Variants in KLHL4 observed in about 807,000 individuals in gnomAD.
KLHL4 encodes kelch like family member 4, also known as kelch-like protein 4.
In KLHL4, 17 loss-of-function variants were observed where a neutral mutation model predicts 45.8. The observed-to-expected ratio is 0.37, with a 90% CI of 0.25 to 0.56. The LOEUF (loss-of-function observed/expected upper bound fraction) is 0.56, where lower values mean the gene tolerates loss of function less well. KLHL4 is among the 20% of genes least tolerant of loss of function. KLHL4 has a pLI of 0.79. For missense variants in KLHL4, 544 were observed against 544.9 expected (o/e 1.00, Z 0.02); for synonymous variants, 224 against 189.9 (o/e 1.18, Z -1.47).
intron 9 of KLHL4, among the ~76,000 whole-genome samples, chrX:87,643,878 A>G (rs994292791): frequency 8.9e-6 from 1 of 111,895 alleles, no homozygotes; most frequent in Admixed American, 9.5e-5. Flanking sequence ...TCTCAGCAGA[A>G]TCAGCATACA....
chrX:87,622,160 T>G, intron 4 of KLHL4, 51 bp from the exon 5 acceptor site: 1 of 822,780 alleles, frequency 1.2e-6, no homozygotes, highest in Non-Finnish European at 1.8e-6. Context: ...GCTTATTCCA[T>G]TAAGAAATTT....
chrX:87,612,004 T>A (rs554837622), intron 1 of KLHL4, among the ~76,000 whole-genome samples: 2 of 112,231 alleles, frequency 1.8e-5, no homozygotes, highest in African/African-American at 6.5e-5. Flanking sequence ...GAAAATGTTT[T>A]TTACATCTGT....
At chrX:87,623,573 T>C (rs1922829637) in intron 5 of KLHL4, among the ~76,000 whole-genome samples, 1 of 111,014 alleles carries the variant, frequency 9.0e-6, no homozygotes, top group African/African-American at 3.3e-5. Context: ...ATTACAGGTG[T>C]GAGCCACTGT....
At chrX:87,635,076 A>T (rs1436921697) in intron 8 of KLHL4, among the ~76,000 whole-genome samples, 1 of 112,028 alleles carries the variant, frequency 8.9e-6, no homozygotes, top group African/African-American at 3.2e-5. Flanking sequence ...TCTAGGTTCT[A>T]TCCTCTTTCC....
chrX:87,580,551 A>C (rs766616989), intron 1 of KLHL4, among the ~76,000 whole-genome samples: 1 of 110,660 alleles, frequency 9.0e-6, no homozygotes, highest in South Asian at 3.7e-4. Flanking sequence ...TAAGAACAAC[A>C]AAAAAAATAG....
chrX:87,593,781 T>C (rs750764865), intron 1 of KLHL4, among the ~76,000 whole-genome samples: 2 of 111,635 alleles, frequency 1.8e-5, no homozygotes, highest in East Asian at 5.6e-4. Context: ...CCAAAATTAA[T>C]GTTCACATTG....
At position 87,594,625 on chromosome X, in the gene KLHL4, G is replaced by A. The variant is rs902621280; in HGVS notation, c.423-19252G>A. ...TATGGGTTTTCACACATTGATCTGC[G>A]TGATCTCCAATCTCCATCCCCCATC... On this transcript the variant is annotated intron_variant, in intron 1 of 10. Transcript: ENST00000373119. 2.2e-4 allele frequency among the ~76,000 whole-genome samples: 24 copies of A among 111,153 alleles called. 1 individual carries two copies. Among genetic ancestry groups the A allele is most frequent in the African/African-American group, 7.2e-4 (22 of 30,528 alleles).
intron 1 of KLHL4, among the ~76,000 whole-genome samples, chrX:87,593,844 G>A (rs971917917): frequency 9.0e-6 from 1 of 111,270 alleles, no homozygotes; most frequent in Non-Finnish European, 1.9e-5. Context: ...GATCTTCACA[G>A]CCATCACCTT....
rs189831640 is a variant in KLHL4, at chrX:87,617,591, C to T, written c.728-341C>T. Among the ~76,000 whole-genome samples, 136 of 111,517 alleles carry T rather than the reference C, an allele frequency of 1.2e-3. 2 individuals are homozygous for T. In the South Asian group the frequency reaches 0.049, roughly 40 times the overall value. On this transcript the variant is annotated intron_variant, in intron 3 of 10. Coordinates refer to ENST00000373119, the MANE Select transcript of KLHL4 (RefSeq NM_019117.5). ...AATTGTATGTGTTTAAGGTGTACAA[C>T]GTAATATTCTCATGTACATATACAA...
intron 1 of KLHL4, among the ~76,000 whole-genome samples, chrX:87,555,388 A>T (rs1442324015): frequency 9.0e-6 from 1 of 111,145 alleles, no homozygotes; most frequent in Non-Finnish European, 1.9e-5. Flanking sequence ...TATTGCCACA[A>T]TTTCAGAGCT....
intron 3 of KLHL4, among the ~76,000 whole-genome samples, chrX:87,616,889 C>T (rs996194807): frequency 9.0e-6 from 1 of 111,110 alleles, no homozygotes. Context: ...ACAGGTTGAA[C>T]TATGTATAGA....
At position 87,647,733 on chromosome X, in the gene KLHL4, G is replaced by A. The variant is rs184343649; in HGVS notation, c.1925+11958G>A. On this transcript the variant is annotated intron_variant, in intron 9 of 10. Coordinates refer to ENST00000373119, the MANE Select transcript of KLHL4 (RefSeq NM_019117.5). Reference sequence around the variant, plus strand: ...TGAACTTTGGGGACTCAGAGGAAAGGGTGGGAGTAGGGTGAGGGATAAAGT... The same window carrying A: ...TGAACTTTGGGGACTCAGAGGAAAGAGTGGGAGTAGGGTGAGGGATAAAGT... Among the ~76,000 whole-genome samples the A allele has an allele frequency of 5.4e-5, 6 of 111,145 alleles. No homozygotes were observed. The East Asian group carries it at 1.7e-3, about 32-fold the overall frequency.
chrX:87,580,786 T>A (rs1921250039), intron 1 of KLHL4, among the ~76,000 whole-genome samples: 1 of 111,964 alleles, frequency 8.9e-6, no homozygotes. Flanking sequence ...AAACTTGAAA[T>A]AATTGATTGA....
intron 9 of KLHL4, among the ~76,000 whole-genome samples, chrX:87,656,755 A>C (rs1241063902): frequency 9.0e-6 from 1 of 111,038 alleles, no homozygotes; most frequent in Non-Finnish European, 1.9e-5. Flanking sequence ...GGTTATTATA[A>C]CGCCCTGTTC....
At chrX:87,605,897 T>C (rs1225462984) in intron 1 of KLHL4, among the ~76,000 whole-genome samples, 2 of 111,754 alleles carry the variant, frequency 1.8e-5, no homozygotes, top group Non-Finnish European at 3.8e-5. Flanking sequence ...CTGAGGTACA[T>C]ACAGTCTATG....
At chrX:87,525,239 A>AT (rs1190357647) in intron 1 of KLHL4, among the ~76,000 whole-genome samples, 3 of 111,390 alleles carry the variant, frequency 2.7e-5, no homozygotes, top group East Asian at 5.6e-4. Flanking sequence ...AGAAAAACTT[A>AT]TTTTTTTATC....
chrX:87,611,983 T>C (rs780819410), intron 1 of KLHL4, among the ~76,000 whole-genome samples: 9 of 111,978 alleles, frequency 8.0e-5, no homozygotes, highest in Non-Finnish European at 1.7e-4. Flanking sequence ...GCTTTTAGAA[T>C]AAGGATATAA....
At chrX:87,599,647 A>G (rs1353374218) in intron 1 of KLHL4, among the ~76,000 whole-genome samples, 1 of 111,170 alleles carries the variant, frequency 9.0e-6, no homozygotes, top group African/African-American at 3.3e-5. Context: ...GTAGCAAAAA[A>G]AAAAAGAAAA....
chrX:87,583,775 C>T (rs1324335516), intron 1 of KLHL4, among the ~76,000 whole-genome samples: 1 of 111,127 alleles, frequency 9.0e-6, no homozygotes, highest in Non-Finnish European at 1.9e-5. Flanking sequence ...GACAAACCTC[C>T]TTCTGCTTGA....
Sources: allele counts gnomAD v4.1 joint callset (sites outside exome capture counted in the v4.1 genomes callset), GRCh38; gene constraint gnomAD v4.1.1; transcripts MANE v1.5; gene names NCBI Gene and HGNC (gene_info 2026-07-23, HGNC 2026-07-21).